PHF21B: variants seen among roughly 807,000 people sequenced by gnomAD.
PHF21B encodes PHD finger protein 4.
In PHF21B, 22 loss-of-function variants were observed where a neutral mutation model predicts 62.2. The ratio of observed to expected loss-of-function variants is 0.35; its 90% CI spans 0.25 to 0.51. PHF21B has a LOEUF of 0.51. Ranked by LOEUF, PHF21B falls within the 20% of genes least tolerant of loss-of-function variation. The pLI is 0.97. For missense variants in PHF21B, 701 were observed against 707.9 expected (o/e 0.99, Z 0.11); for synonymous variants, 341 against 314.7 (o/e 1.08, Z -0.88).
At chr22:44,995,435 T>C (rs1163797597) in intron 2 of PHF21B, among the ~76,000 whole-genome samples, 3 of 152,122 alleles carry the variant, frequency 2.0e-5, no homozygotes, top group Non-Finnish European at 4.4e-5. Flanking sequence ...CGAGTCTATT[T>C]ACAGAAATGC....
At chr22:44,981,962 C>T (rs1382068905) in intron 2 of PHF21B, among the ~76,000 whole-genome samples, 1 of 152,240 alleles carries the variant, frequency 6.6e-6, no homozygotes, top group Non-Finnish European at 1.5e-5. Flanking sequence ...CACCCTAGGG[C>T]CAGGGGGTTG....
At chr22:44,984,392 C>T (rs2072911246) in intron 2 of PHF21B, among the ~76,000 whole-genome samples, 3 of 152,054 alleles carry the variant, frequency 2.0e-5, no homozygotes, top group Non-Finnish European at 4.4e-5. Flanking sequence ...TAACCTTACC[C>T]AGAGCCTTGG....
chr22:44,935,174 A>G (rs934404967), intron 2 of PHF21B, among the ~76,000 whole-genome samples: 1 of 152,178 alleles, frequency 6.6e-6, no homozygotes, highest in African/African-American at 2.4e-5. Flanking sequence ...TCAGGAACAT[A>G]GCCCAAAGAT....
rs1410157494 is a variant in PHF21B at position 44,883,299 on chromosome 22, G to A, written c.1383C>T (p.Cys461=). Residue 461 remains cysteine (C), a synonymous_variant, in exon 13 of 13, where the codon TGC becomes TGT. Coordinates refer to ENST00000313237, the MANE Select transcript of PHF21B (RefSeq NM_138415.5). ...DRRLASAVQK[C]LELKTSLLAR... is the part of the protein sequence containing the mutation. ...CCAGCAGGCTTGTCTTCAACTCCAG[G>A]CATTTCTGTTGGGGAGAAGGTCAGG... 3.1e-6 allele frequency: 5 copies of A among 1,613,424 alleles called. No homozygotes were observed. The East Asian group carries it at 1.1e-4, about 36-fold the overall frequency.
intron 2 of PHF21B, among the ~76,000 whole-genome samples, chr22:44,974,357 T>C (rs151178192): frequency 3.3e-5 from 5 of 149,940 alleles, no homozygotes; most frequent in East Asian, 3.9e-4. Context: ...GAGACTGCAG[T>C]GAGCCATGAT....
chr22:44,913,878 C>A lies in PHF21B; in HGVS notation c.775G>T (p.Ala259Ser). 4 of 1,614,040 alleles carry A rather than the reference C, an allele frequency of 2.5e-6. No homozygotes were observed. Among genetic ancestry groups the A allele is most frequent in the Non-Finnish European group, 2.5e-6 (3 of 1,180,014 alleles). The change falls in exon 5 of 13, where the codon GCT becomes TCT. Residue 259 changes from alanine to serine, a missense_variant. Physicochemically the swap from Ala to Ser is moderately conservative, Grantham distance 99 (BLOSUM62 1). Transcript: ENST00000313237. ...RPPTEEPSQG[A>S]QATKKKKEDR... The stretch of plus-strand genomic sequence containing the variant: ...TCCTTCTTCTTTTTGGTGGCCTGAG[C>A]TCCCTGAGATGGCTCCTCTGTGGGC...
Position 44,924,539 on chromosome 22 carries a change from C to T in PHF21B, c.121-4049G>A, listed in dbSNP as rs149272731. ...GTTAGTGCTCTTATAAGAAGAGACA[C>T]GAGGGAGTTTGTGTCCTCTCTCTCT... On this transcript the variant is annotated intron_variant, in intron 2 of 12. Coordinates refer to ENST00000313237, the MANE Select transcript of PHF21B (RefSeq NM_138415.5). Among the ~76,000 whole-genome samples the T allele has an allele frequency of 4.6e-5, 7 of 152,262 alleles. No homozygotes were observed. The East Asian group carries it at 5.8e-4, about 13-fold the overall frequency.
intron 2 of PHF21B, among the ~76,000 whole-genome samples, chr22:45,001,689 G>A (rs2073221881): frequency 6.6e-6 from 1 of 152,150 alleles, no homozygotes; most frequent in Non-Finnish European, 1.5e-5. Flanking sequence ...AATAATTTCT[G>A]GTGGAAACTC....
chr22:44,913,615 G>A lies in PHF21B; in HGVS notation c.831+207C>T, dbSNP rs554057740. On this transcript the variant is annotated intron_variant, in intron 5 of 12. Coordinates refer to ENST00000313237, the MANE Select transcript of PHF21B (RefSeq NM_138415.5). ...GTGCTAACAACTGCCTCACACTGCC[G>A]TTCAGCCAGTGCCTCCCTGAGATAG... is the stretch of plus-strand genomic sequence containing the variant. 6.5e-4 allele frequency among the ~76,000 whole-genome samples: 99 copies of A among 152,350 alleles called. 1 individual carries two copies. Among genetic ancestry groups the A allele is most frequent in the Non-Finnish European group, 8.1e-4 (55 of 68,032 alleles).
intron 3 of PHF21B, among the ~76,000 whole-genome samples, chr22:44,919,628 C>T (rs1252784698): frequency 2.0e-5 from 3 of 152,242 alleles, no homozygotes; most frequent in Non-Finnish European, 2.9e-5. Flanking sequence ...CAGGCAGGGG[C>T]CATCTTGGTC....
In PHF21B at chr22:44,893,311, C is replaced by G. The variant is rs1569210673; in HGVS notation, c.960+146G>C. The G allele has an allele frequency of 7.6e-6, 5 of 661,540 alleles. No homozygotes were observed. The South Asian group carries it at 9.7e-5, about 13-fold the overall frequency. The allele number at this position is 661,540 out of a possible 1,614,324, so 41.0% of individuals were successfully genotyped here. ...CGGAGGTGATGAGAGAGATGATTTA[C>G]GGTCACCCCCCAGCCCCACTCCCAG... On this transcript the variant is annotated intron_variant, in intron 7 of 12. Coordinates refer to ENST00000313237, the MANE Select transcript of PHF21B (RefSeq NM_138415.5).
intron 2 of PHF21B, among the ~76,000 whole-genome samples, chr22:44,985,919 C>G (rs1289119763): frequency 2.7e-5 from 4 of 150,746 alleles, no homozygotes; most frequent in Non-Finnish European, 5.9e-5. Flanking sequence ...CCACCATCAC[C>G]ATCAGCACCA....
chr22:44,902,884 G>C (rs1289921658), intron 5 of PHF21B, among the ~76,000 whole-genome samples: 2 of 152,152 alleles, frequency 1.3e-5, no homozygotes, highest in Non-Finnish European at 2.9e-5. Context: ...TCCCATACTG[G>C]AGATTTGTAG....
chr22:44,951,753 T>C (rs1009076289), intron 2 of PHF21B, among the ~76,000 whole-genome samples: 7 of 152,234 alleles, frequency 4.6e-5, no homozygotes, highest in African/African-American at 1.7e-4. Flanking sequence ...GAACACCTTT[T>C]TTTTGGTGAG....
chr22:44,898,873 C>T (rs909284055), intron 5 of PHF21B, among the ~76,000 whole-genome samples: 3 of 152,192 alleles, frequency 2.0e-5, no homozygotes, highest in Admixed American at 6.5e-5. Context: ...TGTTCCAATA[C>T]CATTTACTGA....
chr22:44,896,205 C>T, intron 5 of PHF21B, 122 bp from the exon 6 acceptor site: 1 of 979,970 alleles, frequency 1.0e-6, no homozygotes, highest in Non-Finnish European at 1.6e-6. Flanking sequence ...CCACAGAGGC[C>T]TCCAACTCCA....
At chr22:44,935,475 G>A (rs1485337308) in intron 2 of PHF21B, among the ~76,000 whole-genome samples, 1 of 152,136 alleles carries the variant, frequency 6.6e-6, no homozygotes, top group Non-Finnish European at 1.5e-5. Flanking sequence ...TTAGCCGGGC[G>A]TGGTGGCGGG....
intron 5 of PHF21B, among the ~76,000 whole-genome samples, chr22:44,902,668 A>C (rs1238196568): frequency 6.6e-6 from 1 of 152,082 alleles, no homozygotes; most frequent in Non-Finnish European, 1.5e-5. Context: ...CTCTTCCATA[A>C]ATCTGTGTAT....
chr22:44,975,596 C>G (rs950220447), intron 2 of PHF21B, among the ~76,000 whole-genome samples: 1 of 152,236 alleles, frequency 6.6e-6, no homozygotes, highest in African/African-American at 2.4e-5. Context: ...GTGGCATGAG[C>G]TTCTTCCAGC....
Sources: gnomAD v4.1 joint callset for allele counts (sites outside exome capture counted in the v4.1 genomes callset) on GRCh38, gnomAD v4.1.1 for gene constraint, MANE v1.5 for transcripts, NCBI Gene and HGNC (gene_info 2026-07-23, HGNC 2026-07-21) for gene names.